The following NEDD8 variants were observed in gnomAD, a reference collection of about 807,000 sequenced individuals.
NEDD8 encodes the protein ubiquitin-like protein NEDD8.
NEDD8 carries 1 observed loss-of-function variant against 13.8 expected under a neutral mutation model. That is an observed-to-expected ratio of 0.07 (90% confidence interval 0.03 to 0.34). The LOEUF is 0.34. Among genes scored for constraint, NEDD8 ranks in the 10% least tolerant of loss-of-function variants. The probability of loss-of-function intolerance (pLI) is 0.99; values close to 1 mark genes in which losing one functional copy is unlikely to be tolerated. For synonymous variants in NEDD8, 31 were observed against 33.2 expected (o/e 0.93, Z 0.23); for missense variants, 10 against 95.2 (o/e 0.10, Z 3.73).
At chr14:24,217,249 AAAG>A in intron 3 of NEDD8, 26 bp from the exon 4 acceptor site, 1 of 1,575,056 alleles carries the variant, frequency 6.3e-7, no homozygotes, top group South Asian at 1.2e-5. Context: ...GCCAGAAAAA[AAAG>A]AAAAAGAAGA....
intron 1 of NEDD8, among the ~76,000 whole-genome samples, chr14:24,221,747 A>T (rs1320168518): frequency 6.6e-6 from 1 of 151,766 alleles, no homozygotes; most frequent in Non-Finnish European, 1.5e-5. Flanking sequence ...ACAGGCATGC[A>T]CCACCACACC....
intron 1 of NEDD8, among the ~76,000 whole-genome samples, chr14:24,220,435 C>A (rs2039787137): frequency 2.0e-5 from 3 of 152,194 alleles, no homozygotes; most frequent in African/African-American, 7.2e-5. Flanking sequence ...AACCCTCCCA[C>A]CTCAGCCTCC....
rs112830782 is a variant in NEDD8 at position 24,216,909 on chromosome 14, G to A, written c.*218C>T. 1.3e-3 allele frequency: 686 copies of A among 525,962 alleles called. 2 individuals carry two copies. Among genetic ancestry groups the A allele is most frequent in the African/African-American group, 0.01 (545 of 52,258 alleles). The allele number at this position is 525,962 out of a possible 1,614,324, so 32.6% of individuals were successfully genotyped here. On this transcript the variant is annotated 3_prime_UTR_variant, in exon 4 of 4. Transcript: ENST00000250495. ...GACAACCAGGGACACAGTCATAAGA[G>A]AGGGAAGCACACAGGACTGCAAACT...
At chr14:24,219,188 A>G (rs2039757236) in intron 1 of NEDD8, among the ~76,000 whole-genome samples, 1 of 151,922 alleles carries the variant, frequency 6.6e-6, no homozygotes, top group Non-Finnish European at 1.5e-5. Flanking sequence ...TTGGCTGGGC[A>G]TGGTGGCTCA....
In NEDD8 at chr14:24,220,638, GGGTCA is replaced by G. The variant is rs150920517; in HGVS notation, c.19-2212_19-2208del. 1.2e-4 allele frequency among the ~76,000 whole-genome samples: 18 copies of G among 152,304 alleles called. No homozygotes were observed. The East Asian group carries it at 3.5e-3, about 29-fold the overall frequency. On this transcript the variant is annotated intron_variant, in intron 1 of 3. Transcript: ENST00000250495. The stretch of plus-strand genomic sequence containing the variant: ...TGCCCAGCCATTGAACACTTTCTAA[GGGTCA>G]GTAACTATGATCAGCATCTTACATG...
chr14:24,221,309 G>C (rs1438279795), intron 1 of NEDD8, among the ~76,000 whole-genome samples: 1 of 150,256 alleles, frequency 6.7e-6, no homozygotes, highest in Non-Finnish European at 1.5e-5. Context: ...TTTTGAGACG[G>C]GGTCTCAGTC....
intron 1 of NEDD8, 182 bp downstream of exon 1, chr14:24,232,067 TG>T: frequency 1.1e-6 from 1 of 894,894 alleles, no homozygotes; most frequent in African/African-American, 1.7e-5. Context: ...AGGTGGGACC[TG>T]GGCCCCGCTC....
intron 1 of NEDD8, among the ~76,000 whole-genome samples, chr14:24,221,564 G>A (rs1024517251): frequency 6.6e-6 from 1 of 151,958 alleles, no homozygotes; most frequent in African/African-American, 2.4e-5. Context: ...ATAGGCATGA[G>A]CCACCGTGCC....
chr14:24,226,233 T>C (rs944250886), intron 1 of NEDD8, among the ~76,000 whole-genome samples: 1 of 152,092 alleles, frequency 6.6e-6, no homozygotes, highest in East Asian at 1.9e-4. Flanking sequence ...GGCTCACGCT[T>C]GTAATCCCAG....
intron 3 of NEDD8, chr14:24,217,730 A>C: frequency 5.7e-6 from 1 of 175,976 alleles, no homozygotes; most frequent in East Asian, 1.6e-4. Context: ...CAAAAACCAC[A>C]GTAGTATTAG....
chr14:24,232,218 C>T (rs1207822257), intron 1 of NEDD8, 32 bp downstream of exon 1: 4 of 1,614,104 alleles, frequency 2.5e-6, no homozygotes, highest in Non-Finnish European at 2.5e-6. Context: ...CCCAGTACTA[C>T]TGCGTCTTGG....
intron 1 of NEDD8, among the ~76,000 whole-genome samples, chr14:24,222,958 C>T (rs1041873566): frequency 2.0e-5 from 3 of 151,586 alleles, no homozygotes; most frequent in Non-Finnish European, 4.4e-5. Flanking sequence ...TGGTGGTGGG[C>T]GCCTGTAGTC....
chr14:24,227,140 G>A (rs1465919360), intron 1 of NEDD8: 1 of 152,154 alleles, frequency 6.6e-6, no homozygotes, highest in East Asian at 1.9e-4. Flanking sequence ...AACTCTTGAG[G>A]GGGTAGGAAT....
chr14:24,226,858 CAT>C (rs769618743), intron 1 of NEDD8: 21 of 152,250 alleles, frequency 1.4e-4, no homozygotes, highest in Non-Finnish European at 2.9e-4. Flanking sequence ...GAAATAAAAA[CAT>C]ATGTTTACAA....
chr14:24,230,741 C>A (rs139416456), intron 1 of NEDD8, among the ~76,000 whole-genome samples: 3,409 of 151,220 alleles, frequency 0.023, 55 homozygotes, highest in Non-Finnish European at 0.032. Context: ...GCCTTAGCCT[C>A]CGAGTAGCTG....
At chr14:24,221,587 C>T (rs1468673403) in intron 1 of NEDD8, among the ~76,000 whole-genome samples, 1 of 151,006 alleles carries the variant, frequency 6.6e-6, no homozygotes, top group Non-Finnish European at 1.5e-5. Context: ...GCCGATAATA[C>T]AAATTTTTAT....
chr14:24,217,544 C>G (rs2039730143), intron 3 of NEDD8, among the ~76,000 whole-genome samples: 1 of 152,194 alleles, frequency 6.6e-6, no homozygotes, highest in Admixed American at 6.5e-5. Context: ...CCCCCTTCAG[C>G]CTCCCAAAGT....
At chr14:24,221,561 T>C (rs2039810563) in intron 1 of NEDD8, among the ~76,000 whole-genome samples, 1 of 152,126 alleles carries the variant, frequency 6.6e-6, no homozygotes, top group Admixed American at 6.6e-5. Context: ...ATTATAGGCA[T>C]GAGCCACCGT....
intron 1 of NEDD8, chr14:24,226,972 G>T (rs982904008): frequency 6.6e-6 from 1 of 152,124 alleles, no homozygotes; most frequent in African/African-American, 2.4e-5. Context: ...AACAAATTAT[G>T]ATATAATTCA....
Sources: allele counts gnomAD v4.1 joint callset (sites outside exome capture counted in the v4.1 genomes callset), GRCh38; gene constraint gnomAD v4.1.1; transcripts MANE v1.5; gene names NCBI Gene and HGNC (gene_info 2026-07-23, HGNC 2026-07-21).